Variants in ITGB3BP observed in about 807,000 individuals in gnomAD.
ITGB3BP encodes integrin subunit beta 3 binding protein, also known as centromere protein R.
ITGB3BP carries 27 observed loss-of-function variants against 29.1 expected under a neutral mutation model. The observed-to-expected ratio is 0.93, with a 90% CI of 0.68 to 1.28. The LOEUF (loss-of-function observed/expected upper bound fraction) is 1.28. ITGB3BP is among the 50% of genes most tolerant of loss of function. ITGB3BP has a pLI of 0.00. For missense variants in ITGB3BP, 192 were observed against 200.2 expected (o/e 0.96, Z 0.25); for synonymous variants, 61 against 61.4 (o/e 0.99, Z 0.03).
chr1:63,475,250 T>C (rs1381030451), intron 4 of ITGB3BP, among the ~76,000 whole-genome samples: 2 of 152,230 alleles, frequency 1.3e-5, no homozygotes, highest in Admixed American at 1.3e-4. Context: ...GAGCTAGGAT[T>C]ACAGGCATGA....
chr1:63,488,045 T>C (rs532167162), intron 3 of ITGB3BP, among the ~76,000 whole-genome samples: 4 of 152,242 alleles, frequency 2.6e-5, no homozygotes, highest in East Asian at 1.9e-4. Context: ...ACAAATCCCA[T>C]GTTTGGCCAA....
chr1:63,518,298 C>T (rs557317366), intron 1 of ITGB3BP, among the ~76,000 whole-genome samples: 2 of 152,060 alleles, frequency 1.3e-5, no homozygotes, highest in Non-Finnish European at 2.9e-5. Context: ...AATTCTATTT[C>T]CTTAATTATG....
At chr1:63,495,686 G>A (rs1409035999) in intron 2 of ITGB3BP, among the ~76,000 whole-genome samples, 3 of 150,618 alleles carry the variant, frequency 2.0e-5, no homozygotes, top group African/African-American at 4.9e-5. Context: ...TGGGGGTGGG[G>A]GTGAAGGCAA....
chr1:63,499,160 T>TG lies in ITGB3BP; in HGVS notation c.49-8943_49-8942insC, dbSNP rs796861878. On this transcript the variant is annotated intron_variant, in intron 2 of 8. Coordinates refer to ENST00000271002, the MANE Select transcript of ITGB3BP (RefSeq NM_014288.5). ...TCACAAGTGAATTCCACTAGCGTTT[T>TG]TTTTTTTTTTTTTTTCTTGAGATGT... Among the ~76,000 whole-genome samples, 195 of 148,796 alleles carry TG rather than the reference T, an allele frequency of 1.3e-3. 1 individual carries two copies. Among genetic ancestry groups the TG allele is most frequent in the African/African-American group, 4.8e-3 (191 of 40,164 alleles).
intron 4 of ITGB3BP, among the ~76,000 whole-genome samples, chr1:63,477,937 T>C (rs1217415885): frequency 6.6e-6 from 1 of 152,168 alleles, no homozygotes; most frequent in African/African-American, 2.4e-5. Flanking sequence ...CTGTGGAGAA[T>C]TGGTTCCAGG....
At chr1:63,491,206 A>G (rs1645638131) in intron 2 of ITGB3BP, among the ~76,000 whole-genome samples, 1 of 152,082 alleles carries the variant, frequency 6.6e-6, no homozygotes, top group South Asian at 2.1e-4. Context: ...CCTTTCCTGA[A>G]TTCCCTTAAA....
chr1:63,519,988 C>T (rs1446218982), intron 1 of ITGB3BP, among the ~76,000 whole-genome samples: 1 of 152,086 alleles, frequency 6.6e-6, no homozygotes, highest in Non-Finnish European at 1.5e-5. Context: ...TAGCTTGGAA[C>T]AGAATAAAGT....
chr1:63,485,085 A>C (rs931126750), intron 3 of ITGB3BP, among the ~76,000 whole-genome samples: 1 of 151,876 alleles, frequency 6.6e-6, no homozygotes, highest in Non-Finnish European at 1.5e-5. Flanking sequence ...CTATTCCTTC[A>C]GATTTAATTG....
Position 63,463,911 on chromosome 1 carries a change from G to T in ITGB3BP, c.255-8943C>A, listed in dbSNP as rs111577352. Among the ~76,000 whole-genome samples, 364 of 151,908 alleles carry T rather than the reference G, an allele frequency of 2.4e-3. 2 individuals carry two copies. The highest frequency in any genetic ancestry group is 8.4e-3 in the African/African-American group (349 of 41,442). Reference sequence around the variant, plus strand: ...TCAGGACGTATTCATCAGTAAAAAAGGCAAAGTGAAAAGAGTACATATGGT... The same window carrying T: ...TCAGGACGTATTCATCAGTAAAAAATGCAAAGTGAAAAGAGTACATATGGT... On this transcript the variant is annotated intron_variant, in intron 4 of 8. Coordinates refer to ENST00000271002, the MANE Select transcript of ITGB3BP (RefSeq NM_014288.5).
intron 4 of ITGB3BP, among the ~76,000 whole-genome samples, chr1:63,461,435 T>C (rs543899018): frequency 6.6e-4 from 100 of 152,290 alleles, no homozygotes; most frequent in South Asian, 5.8e-3. Flanking sequence ...ACTTTCTTGA[T>C]GGTGTACTTT....
chr1:63,474,615 G>A (rs879769327), intron 4 of ITGB3BP, among the ~76,000 whole-genome samples: 2,033 of 151,862 alleles, frequency 0.013, 1 homozygote, highest in Non-Finnish European at 0.022. Context: ...TGTGCTCTCT[G>A]AAACATGTGC....
upstream of ITGB3BP, chr1:63,525,732 A>T (rs745555541): frequency 6.4e-7 from 1 of 1,569,088 alleles, no homozygotes; most frequent in Non-Finnish European, 8.6e-7. Flanking sequence ...CTTGGAAAAC[A>T]TTATTTCTAA....
At chr1:63,504,802 C>A (rs572944333) in intron 2 of ITGB3BP, among the ~76,000 whole-genome samples, 1,902 of 152,212 alleles carry the variant, frequency 0.012, 22 homozygotes, top group Non-Finnish European at 0.02. Context: ...TGTTTATATG[C>A]TGGATTACAT....
chr1:63,520,755 G>C (rs1407626415), intron 1 of ITGB3BP, among the ~76,000 whole-genome samples: 1 of 152,034 alleles, frequency 6.6e-6, no homozygotes, highest in Non-Finnish European at 1.5e-5. Context: ...GGGTATACAT[G>C]CATCTATTTG....
At chr1:63,446,683 A>G (rs1644794789) in intron 8 of ITGB3BP, 123 bp downstream of exon 8, 1 of 709,110 alleles carries the variant, frequency 1.4e-6, no homozygotes, top group Non-Finnish European at 2.5e-6. Context: ...CTCCAAAGCT[A>G]TATCCCTATT....
intron 4 of ITGB3BP, among the ~76,000 whole-genome samples, chr1:63,472,459 C>CCTCTCCCCTCTCCCCTCTCCT (rs1645217725): frequency 7.0e-6 from 1 of 142,566 alleles, no homozygotes; most frequent in African/African-American, 2.5e-5. Context: ...TCCCCTCTCC[C>CCTCTCCCCTCTCCCCTCTCCT]CTCTCCCCTC....
Position 63,441,076 on chromosome 1 carries a change from T to G in ITGB3BP, c.*29A>C, listed in dbSNP as rs1047136225. Reference sequence around the variant, plus strand: ...ATCAGGCAGATGCAGAAGTTGGTGCTCATGGTGAGTGCATTTCTTCTTAAT... The same window carrying G: ...ATCAGGCAGATGCAGAAGTTGGTGCGCATGGTGAGTGCATTTCTTCTTAAT... On this transcript the variant is annotated 3_prime_UTR_variant, in exon 9 of 9. Transcript: ENST00000271002. The G allele has an allele frequency of 1.3e-5, 2 of 152,602 alleles. No individual in the cohort carries two copies. 9.5% of individuals were successfully genotyped at this position (152,602 alleles called of 1,614,324 possible).
At chr1:63,527,022 C>G (rs994307335), upstream of ITGB3BP, among the ~76,000 whole-genome samples, 12 of 152,238 alleles carry the variant, frequency 7.9e-5, no homozygotes, top group African/African-American at 2.9e-4. Flanking sequence ...GCCTCGGCCT[C>G]CCAAAGTGCT....
At chr1:63,497,922 T>G (rs1645830143) in intron 2 of ITGB3BP, among the ~76,000 whole-genome samples, 6 of 15,646 alleles carry the variant, frequency 3.8e-4, no homozygotes, top group African/African-American at 4.1e-4. Flanking sequence ...GCTTTTCCTT[T>G]CCCCCTTTTT....
Sources: allele counts gnomAD v4.1 joint callset (sites outside exome capture counted in the v4.1 genomes callset), GRCh38; gene constraint gnomAD v4.1.1; transcripts MANE v1.5; gene names NCBI Gene and HGNC (gene_info 2026-07-23, HGNC 2026-07-21).